DIP2A: variants seen among roughly 807,000 people sequenced by gnomAD.
DIP2A encodes disco-interacting protein 2 homolog A.
Under a neutral mutation model 177.4 loss-of-function variants are expected in DIP2A, and 85 were observed. The ratio of observed to expected loss-of-function variants is 0.48; its 90% CI spans 0.40 to 0.57. The LOEUF (loss-of-function observed/expected upper bound fraction) is 0.57. Among genes scored for constraint, DIP2A ranks in the 20% least tolerant of loss-of-function variants. The pLI, the probability that DIP2A is intolerant of heterozygous loss-of-function variation, is 0.00. For missense variants in DIP2A, 1,791 were observed against 2,100.2 expected (o/e 0.85, Z 2.88); for synonymous variants, 886 against 881.8 (o/e 1.00, Z -0.08).
At chr21:46,570,541 GTTA>G (rs974978200), downstream of DIP2A, among the ~76,000 whole-genome samples, 47 of 152,088 alleles carry the variant, frequency 3.1e-4, no homozygotes, top group Non-Finnish European at 6.6e-4. Flanking sequence ...TTTCTTGTGG[GTTA>G]TTTGTATTTT....
chr21:46,529,352 C>A (rs2059257473), intron 9 of DIP2A, among the ~76,000 whole-genome samples, 169 bp downstream of exon 9: 1 of 152,124 alleles, frequency 6.6e-6, no homozygotes, highest in Admixed American at 6.5e-5. Context: ...GTAATCCTAG[C>A]ACTTTGGGAG....
chr21:46,515,194 G>T (rs1263234127), intron 8 of DIP2A, among the ~76,000 whole-genome samples: 2 of 152,232 alleles, frequency 1.3e-5, no homozygotes, highest in African/African-American at 2.4e-5. Flanking sequence ...TCATGCTATT[G>T]GCAGAGCAGT....
chr21:46,510,410 C>T (rs1261889265), intron 7 of DIP2A, among the ~76,000 whole-genome samples: 1 of 152,146 alleles, frequency 6.6e-6, no homozygotes, highest in East Asian at 1.9e-4. Flanking sequence ...AGGAAGAATA[C>T]TTTGCATCCT....
chr21:46,476,412 A>C (rs1193697394), intron 1 of DIP2A, among the ~76,000 whole-genome samples: 2 of 152,164 alleles, frequency 1.3e-5, no homozygotes, highest in Non-Finnish European at 2.9e-5. Context: ...AGTTGGCATC[A>C]GCATGACTCC....
In DIP2A at chr21:46,536,293, C is replaced by T. The variant is rs189151374; in HGVS notation, c.1643-931C>T. Among the ~76,000 whole-genome samples the T allele has an allele frequency of 3.0e-3, 464 of 152,336 alleles. 5 individuals are homozygous for T. The highest frequency in any genetic ancestry group is 4.2e-3 in the Non-Finnish European group (286 of 68,040). On this transcript the variant is annotated intron_variant, in intron 13 of 37. Transcript: ENST00000417564. ...CTTTCTGCCTGTGCAAGGTGGGAGCCGGATATTAGAGAAGACTTGGCCAGG... is the reference window on the plus strand; with the variant it reads ...CTTTCTGCCTGTGCAAGGTGGGAGCTGGATATTAGAGAAGACTTGGCCAGG...
chr21:46,498,801 C>T lies in DIP2A; in HGVS notation c.623C>T (p.Ala208Val). The T allele has an allele frequency of 1.2e-6, 2 of 1,613,688 alleles. No individual in the cohort carries two copies. The highest frequency in any genetic ancestry group is 1.1e-5 in the South Asian group (1 of 91,040). Residue 208 changes from alanine to valine, a missense_variant, in exon 5 of 38, where the codon GCA (alanine) becomes GTA (valine). By Grantham distance (64) the Ala-to-Val change is moderately conservative. Transcript: ENST00000417564. The surrounding 1 kb of genome is among the most constrained non-coding windows in gnomAD (Gnocchi z 4.3). ...ACGCCGGGGGCCGCCGCTACCACTGCACTCGCAGGCCTCGAGGCCCACACC... is the reference window on the plus strand; with the variant it reads ...ACGCCGGGGGCCGCCGCTACCACTGTACTCGCAGGCCTCGAGGCCCACACC... ...AATPGAAATT[A>V]LAGLEAHTHI... is the part of the protein sequence containing the mutation.
At chr21:46,534,211 G>A in intron 12 of DIP2A, 98 bp downstream of exon 12, 1 of 1,002,900 alleles carries the variant, frequency 1.0e-6, no homozygotes, top group South Asian at 1.5e-5. Flanking sequence ...TTTTTGTTAA[G>A]TTTCGGCCTA....
At chr21:46,532,940 C>T (rs1316480788) in intron 10 of DIP2A, among the ~76,000 whole-genome samples, 2 of 152,080 alleles carry the variant, frequency 1.3e-5, no homozygotes, top group African/African-American at 4.8e-5. Flanking sequence ...TCAAGAATCC[C>T]AAAAGTAAAA....
At chr21:46,512,555 T>C (rs956670465) in intron 8 of DIP2A, among the ~76,000 whole-genome samples, 1 of 152,230 alleles carries the variant, frequency 6.6e-6, no homozygotes, top group Non-Finnish European at 1.5e-5. Flanking sequence ...CATATGCTTA[T>C]TGGTTGTTTG....
At chr21:46,573,125 T>G (rs886411778), downstream of DIP2A, among the ~76,000 whole-genome samples, 1 of 149,442 alleles carries the variant, frequency 6.7e-6, no homozygotes, top group Non-Finnish European at 1.5e-5. Context: ...AGAAAGGGAT[T>G]TAAATGTTTC....
At chr21:46,540,907 C>T (rs536613471) in intron 17 of DIP2A, among the ~76,000 whole-genome samples, 10 of 150,860 alleles carry the variant, frequency 6.6e-5, no homozygotes, top group Non-Finnish European at 8.8e-5. Flanking sequence ...CCCAGCTACT[C>T]GGGAGGCTGA....
In DIP2A at chr21:46,551,757, TC is replaced by T; in HGVS notation, c.2949+16del. The T allele has an allele frequency of 1.2e-6, 2 of 1,613,834 alleles. No individual in the cohort carries two copies. Among genetic ancestry groups the T allele is most frequent in the Non-Finnish European group, 1.7e-6 (2 of 1,179,860 alleles). On this transcript the variant is annotated intron_variant, in intron 24 of 37. Transcript: ENST00000417564. ...CAGGCACGGAAGGTGACAGGCCAGT[TC>T]CGGGGACGGGTGGACGGGTGTCTGT... is the stretch of plus-strand genomic sequence containing the variant.
chr21:46,535,604 A>T (rs921013329), intron 13 of DIP2A, among the ~76,000 whole-genome samples: 2 of 152,230 alleles, frequency 1.3e-5, no homozygotes, highest in Non-Finnish European at 2.9e-5. Flanking sequence ...AGAAAAAAAT[A>T]TAGGTGTTTA....
chr21:46,506,827 G>A (rs11089072), intron 6 of DIP2A, among the ~76,000 whole-genome samples: 44,314 of 110,196 alleles, frequency 0.4, 9,185 homozygotes, highest in Admixed American at 0.44. Context: ...TTTTTGAGAC[G>A]GAGTTTCACT....
Position 46,558,222 on chromosome 21 carries a change from G to A in DIP2A, c.3799-1G>A. 6.2e-7 allele frequency: 1 copy of A among 1,609,096 alleles called. No homozygotes were observed. Among genetic ancestry groups the A allele is most frequent in the East Asian group, 2.2e-5 (1 of 44,798 alleles). ...GGCCTGACCGCTCACCCCTCCCGCA[G>A]ATGAAGGGGGTGAACCTGTCATGTG... On this transcript the variant is annotated splice_acceptor_variant, in intron 31 of 37. Coordinates refer to ENST00000417564, the MANE Select transcript of DIP2A (RefSeq NM_015151.4). LOFTEE classifies it high-confidence loss of function.
intron 21 of DIP2A, 148 bp downstream of exon 21, chr21:46,547,190 A>G: frequency 7.0e-7 from 1 of 1,426,290 alleles, no homozygotes; most frequent in Non-Finnish European, 9.2e-7. Flanking sequence ...AGTAAAAGGA[A>G]AATATTTGCA....
chr21:46,496,085 T>G (rs2057344638), intron 3 of DIP2A, among the ~76,000 whole-genome samples: 1 of 151,840 alleles, frequency 6.6e-6, no homozygotes, highest in Non-Finnish European at 1.5e-5. Context: ...AAAAAAATTT[T>G]TTTTTCAGAA....
intron 18 of DIP2A, among the ~76,000 whole-genome samples, chr21:46,542,305 C>T (rs2059851506): frequency 6.6e-6 from 1 of 152,214 alleles, no homozygotes; most frequent in Non-Finnish European, 1.5e-5. Flanking sequence ...TAATAGCTCA[C>T]TGTGTTCCAG....
chr21:46,471,463 T>G (rs2055374608), intron 1 of DIP2A, among the ~76,000 whole-genome samples: 2 of 152,222 alleles, frequency 1.3e-5, no homozygotes, highest in Admixed American at 6.5e-5. Flanking sequence ...AGTAAATCTT[T>G]TAAAACTAAT....
Sources: gnomAD v4.1 joint callset for allele counts (sites outside exome capture counted in the v4.1 genomes callset) on GRCh38, gnomAD v4.1.1 for gene constraint, Gnocchi (gnomAD v3.1) non-coding constraint, MANE v1.5 for transcripts, NCBI Gene and HGNC (gene_info 2026-07-23, HGNC 2026-07-21) for gene names.